The following LPAR3 variants were observed in gnomAD, a reference collection of about 807,000 sequenced individuals.
The protein encoded by LPAR3 is LPA receptor 3.
In LPAR3, 7 loss-of-function variants were observed where a neutral mutation model predicts 17.8. That is an observed-to-expected ratio of 0.39 (90% CI 0.22 to 0.74). The LOEUF is 0.74. LPAR3 is among the 30% of genes least tolerant of loss of function. The probability of loss-of-function intolerance (pLI) is 0.40; values close to 1 mark genes in which losing one functional copy is unlikely to be tolerated. For synonymous variants in LPAR3, 179 were observed against 179.9 expected, an observed-to-expected ratio of 0.99 and a Z score of 0.04; for missense variants, 391 against 453.4, an observed-to-expected ratio of 0.86 and a Z score of 1.25.
chr1:84,885,966 C>A (rs1321415411), intron 1 of LPAR3, among the ~76,000 whole-genome samples: 2 of 152,068 alleles, frequency 1.3e-5, no homozygotes, highest in East Asian at 3.9e-4. Context: ...TAATACACAG[C>A]CTAATATAGA....
At chr1:84,862,166 G>A (rs990274558) in intron 2 of LPAR3, among the ~76,000 whole-genome samples, 1 of 152,232 alleles carries the variant, frequency 6.6e-6, no homozygotes, top group Non-Finnish European at 1.5e-5. Flanking sequence ...CAGCAGCACA[G>A]TTCATTGACA....
At chr1:84,819,474 G>A (rs1383764719) in intron 2 of LPAR3, among the ~76,000 whole-genome samples, 1 of 152,162 alleles carries the variant, frequency 6.6e-6, no homozygotes, top group African/African-American at 2.4e-5. Context: ...TTCCCTGGGT[G>A]ATCATGATGC....
chr1:84,872,883 T>C (rs1660182538), intron 1 of LPAR3, among the ~76,000 whole-genome samples: 1 of 152,204 alleles, frequency 6.6e-6, no homozygotes, highest in African/African-American at 2.4e-5. Flanking sequence ...TGCTAGTCTG[T>C]AATCTTGATA....
intron 1 of LPAR3, among the ~76,000 whole-genome samples, chr1:84,871,809 T>C (rs1660162444): frequency 6.6e-6 from 1 of 152,148 alleles, no homozygotes; most frequent in African/African-American, 2.4e-5. Context: ...CCCAGAAGAC[T>C]TTTCCCCAAG....
chr1:84,864,395 T>A (rs1372890529), intron 2 of LPAR3, among the ~76,000 whole-genome samples: 2 of 152,118 alleles, frequency 1.3e-5, no homozygotes, highest in Non-Finnish European at 2.9e-5. Context: ...TATAAATAAC[T>A]CCCACAAGCT....
intron 2 of LPAR3, among the ~76,000 whole-genome samples, chr1:84,833,128 G>A (rs1291635921): frequency 2.6e-5 from 4 of 152,072 alleles, no homozygotes; most frequent in African/African-American, 9.7e-5. Context: ...TTCAGTAATG[G>A]GAACGTGGTA....
chr1:84,872,269 T>G (rs1187404352), intron 1 of LPAR3, among the ~76,000 whole-genome samples: 2 of 152,198 alleles, frequency 1.3e-5, no homozygotes, highest in East Asian at 1.9e-4. Flanking sequence ...ACTTTATGCT[T>G]CTTCTGCATA....
chr1:84,817,659 A>T (rs1658966464), intron 2 of LPAR3, among the ~76,000 whole-genome samples: 1 of 152,122 alleles, frequency 6.6e-6, no homozygotes, highest in South Asian at 2.1e-4. Context: ...TTTGTTGTTC[A>T]TTGGAAACAG....
chr1:84,838,936 C>T (rs1381858087), intron 2 of LPAR3, among the ~76,000 whole-genome samples: 1 of 152,224 alleles, frequency 6.6e-6, no homozygotes, highest in East Asian at 1.9e-4. Context: ...CTGCAGCTAC[C>T]TTTGCCTTCA....
chr1:84,880,008 T>A (rs1660333893), intron 1 of LPAR3, among the ~76,000 whole-genome samples: 2 of 152,224 alleles, frequency 1.3e-5, no homozygotes, highest in Non-Finnish European at 2.9e-5. Context: ...ATCTGATCAA[T>A]CTGATCACTA....
intron 1 of LPAR3, among the ~76,000 whole-genome samples, chr1:84,873,044 C>T (rs1660185482): frequency 6.6e-6 from 1 of 152,112 alleles, no homozygotes; most frequent in Non-Finnish European, 1.5e-5. Context: ...ACCAGTACTC[C>T]TCAAAACTGG....
intron 2 of LPAR3, among the ~76,000 whole-genome samples, chr1:84,836,607 C>T (rs191674158): frequency 3.3e-5 from 5 of 152,212 alleles, no homozygotes; most frequent in Non-Finnish European, 4.4e-5. Context: ...ATTAGAATAA[C>T]TTATTTGGAA....
At position 84,812,580 on chromosome 1, in the gene LPAR3, G is replaced by A. The variant is rs1189061132; in HGVS notation, c.*1266C>T. The A allele has an allele frequency of 6.6e-6, 1 of 152,028 alleles. No individual in the cohort carries two copies. The highest frequency in any genetic ancestry group is 2.1e-4 in the South Asian group (1 of 4,818). The allele number at this position is 152,028 out of a possible 1,614,324, so 9.4% of individuals were successfully genotyped here. A position where few individuals can be genotyped will look rare whatever the true frequency, so the allele number is the denominator to read the frequency against. On this transcript the variant is annotated 3_prime_UTR_variant, in exon 3 of 3. Transcript: ENST00000370611. ...CCCAAGTACCTGGTATTACAGGCAT[G>A]TGCCACCATGCCTGGCTAGTTTTTG...
At chr1:84,862,703 T>A (rs1459668792) in intron 2 of LPAR3, among the ~76,000 whole-genome samples, 1 of 152,232 alleles carries the variant, frequency 6.6e-6, no homozygotes, top group Non-Finnish European at 1.5e-5. Flanking sequence ...TGTGAGGGTT[T>A]CTATACCACA....
chr1:84,839,045 T>C (rs1277733104), intron 2 of LPAR3, among the ~76,000 whole-genome samples: 1 of 152,218 alleles, frequency 6.6e-6, no homozygotes, highest in South Asian at 2.1e-4. Context: ...TGTGCAGGGT[T>C]CCATTCAAAC....
At chr1:84,858,390 A>G (rs1006702534) in intron 2 of LPAR3, among the ~76,000 whole-genome samples, 1 of 151,386 alleles carries the variant, frequency 6.6e-6, no homozygotes, top group African/African-American at 2.4e-5. Flanking sequence ...AGGCTGAGGC[A>G]CAAGAATCAC....
rs1340556046 is a variant in LPAR3 at position 84,812,928 on chromosome 1, T to C, written c.*918A>G. The C allele has an allele frequency of 6.6e-6, 1 of 151,670 alleles. No homozygotes were observed. Among genetic ancestry groups the C allele is most frequent in the East Asian group, 1.9e-4 (1 of 5,160 alleles). 9.4% of individuals were successfully genotyped at this position (151,670 alleles called of 1,614,324 possible). A position where few individuals can be genotyped will look rare whatever the true frequency, so the allele number is the denominator to read the frequency against. On this transcript the variant is annotated 3_prime_UTR_variant, in exon 3 of 3. Transcript: ENST00000370611. Reference sequence around the variant, plus strand: ...CTCCTTGTTTTCTGCATAAACCCTTTACTAGCTCTCCACTGTTTTTCACCA... The same window carrying C: ...CTCCTTGTTTTCTGCATAAACCCTTCACTAGCTCTCCACTGTTTTTCACCA...
chr1:84,892,148 G>C (rs1452464088), intron 1 of LPAR3, among the ~76,000 whole-genome samples: 2 of 151,984 alleles, frequency 1.3e-5, no homozygotes, highest in Non-Finnish European at 2.9e-5. Flanking sequence ...GGGAGGCGGA[G>C]GTTGCAGTGA....
chr1:84,821,903 A>G (rs778607093), intron 2 of LPAR3, among the ~76,000 whole-genome samples: 2 of 152,074 alleles, frequency 1.3e-5, no homozygotes, highest in Non-Finnish European at 2.9e-5. Flanking sequence ...TTAAGAGGAG[A>G]CAGTGTTCAG....
Sources: gnomAD v4.1 joint callset for allele counts (sites outside exome capture counted in the v4.1 genomes callset) on GRCh38, gnomAD v4.1.1 for gene constraint, MANE v1.5 for transcripts, NCBI Gene and HGNC (gene_info 2026-07-23, HGNC 2026-07-21) for gene names.